Variants in SEMA6D observed in about 807,000 individuals in gnomAD.
SEMA6D encodes the protein semaphorin-6D.
SEMA6D carries 35 observed loss-of-function variants against 106.6 expected under a neutral mutation model. The ratio of observed to expected loss-of-function variants is 0.33; its 90% confidence interval spans 0.25 to 0.44. SEMA6D has a LOEUF of 0.44. Ranked by LOEUF, SEMA6D falls within the 20% of genes least tolerant of loss-of-function variation. SEMA6D has a pLI of 1.00. For missense variants in SEMA6D, 1,185 were observed against 1,345.9 expected (o/e 0.88, Z 1.87); for synonymous variants, 499 against 487.7 (o/e 1.02, Z -0.31).
intron 4 of SEMA6D, among the ~76,000 whole-genome samples, chr15:47,698,960 C>T (rs1211759726): frequency 6.6e-6 from 1 of 152,072 alleles, no homozygotes; most frequent in Admixed American, 6.6e-5. Flanking sequence ...TTGTATGATT[C>T]AATAAACTTA....
chr15:47,581,225 C>T, intron 3 of SEMA6D: 1 of 387,494 alleles, frequency 2.6e-6, no homozygotes, highest in Non-Finnish European at 5.0e-6. Flanking sequence ...GTAACGTGTC[C>T]CTGATGAAGT....
chr15:47,537,159 T>G (rs1284775101), intron 3 of SEMA6D, among the ~76,000 whole-genome samples: 1 of 152,222 alleles, frequency 6.6e-6, no homozygotes, highest in East Asian at 1.9e-4. Context: ...AAGAATTAAT[T>G]TTATAGTCAG....
At chr15:47,628,147 C>T (rs750690590) in intron 4 of SEMA6D, among the ~76,000 whole-genome samples, 2 of 151,848 alleles carry the variant, frequency 1.3e-5, no homozygotes, top group African/African-American at 2.4e-5. Flanking sequence ...CACTGAAAGA[C>T]ATCTGGGTTG....
At position 47,314,849 on chromosome 15, in the gene SEMA6D, CTTTTTTTTTTTTTTT is replaced by C. The variant is rs1173992222; in HGVS notation, c.-238-97524_-238-97510del. Among the ~76,000 whole-genome samples, 8 of 83,916 alleles carry C rather than the reference CTTTTTTTTTTTTTTT, an allele frequency of 9.5e-5. No individual in the cohort carries two copies. In the East Asian group the frequency reaches 1.3e-3, roughly 13 times the overall value. 55.1% of individuals were successfully genotyped at this position (83,916 alleles called of 152,430 possible). ...ATCAAACCCAAATCATCTAGGTTTT[CTTTTTTTTTTTTTTT>C]TTTTTTTTTTTTTTTTTTTGAGACG... On this transcript the variant is annotated intron_variant, in intron 1 of 19. Transcript: ENST00000558014.
chr15:47,201,040 G>A (rs1894693699), intron 1 of SEMA6D, among the ~76,000 whole-genome samples: 1 of 152,198 alleles, frequency 6.6e-6, no homozygotes, highest in South Asian at 2.1e-4. Context: ...TCTTTTTAGA[G>A]CTAAGGGAAA....
chr15:47,649,607 C>G (rs1596531164), intron 4 of SEMA6D, among the ~76,000 whole-genome samples: 2 of 152,108 alleles, frequency 1.3e-5, no homozygotes, highest in East Asian at 3.9e-4. Context: ...ACACCTGTGA[C>G]TAGTCACTGT....
At chr15:47,577,943 A>G (rs944591096) in intron 3 of SEMA6D, among the ~76,000 whole-genome samples, 1 of 152,250 alleles carries the variant, frequency 6.6e-6, no homozygotes, top group South Asian at 2.1e-4. Flanking sequence ...ACATTAAAAT[A>G]TAGTATTCTC....
At chr15:47,755,304 C>T (rs1367043422) in intron 1 of SEMA6D, among the ~76,000 whole-genome samples, 1 of 152,066 alleles carries the variant, frequency 6.6e-6, no homozygotes, top group Non-Finnish European at 1.5e-5. Context: ...TGAAATTCTC[C>T]ATGTTGTCAT....
chr15:47,395,744 A>C (rs1218839440), intron 1 of SEMA6D: 2 of 152,246 alleles, frequency 1.3e-5, no homozygotes, highest in South Asian at 4.1e-4. Context: ...ACACAGAAGA[A>C]AGCAAGGAGC....
rs191833493 is a variant in SEMA6D at position 47,558,684 on chromosome 15, A to G, written c.-86-42181A>G. On this transcript the variant is annotated intron_variant, in intron 3 of 19. Coordinates refer to the SEMA6D transcript ENST00000558014. ...CTATTAACTCTAAATTGTGCACTAG[A>G]TATATCTAGGATTTCAGTAAAATCT... Among the ~76,000 whole-genome samples the G allele has an allele frequency of 4.6e-5, 7 of 152,240 alleles. No homozygotes were observed. In the East Asian group the frequency reaches 5.8e-4, roughly 13 times the overall value.
At chr15:47,389,971 T>C (rs1238407922) in intron 1 of SEMA6D, among the ~76,000 whole-genome samples, 2 of 152,240 alleles carry the variant, frequency 1.3e-5, no homozygotes, top group Non-Finnish European at 2.9e-5. Flanking sequence ...CACTCCCTAC[T>C]TAAAACACTT....
intron 3 of SEMA6D, among the ~76,000 whole-genome samples, chr15:47,575,591 C>T (rs1394716811): frequency 3.9e-5 from 6 of 152,126 alleles, no homozygotes; most frequent in African/African-American, 9.7e-5. Flanking sequence ...TGGTGGCATA[C>T]GCCTGCAGTC....
chr15:47,338,096 G>A (rs967888504), intron 1 of SEMA6D, among the ~76,000 whole-genome samples: 11 of 152,192 alleles, frequency 7.2e-5, no homozygotes, highest in African/African-American at 2.4e-4. Context: ...TGAGGAGAAG[G>A]CACTTGCTAG....
intron 1 of SEMA6D, among the ~76,000 whole-genome samples, chr15:47,385,130 A>G (rs1437244226): frequency 6.7e-6 from 1 of 150,352 alleles, no homozygotes; most frequent in Non-Finnish European, 1.5e-5. Flanking sequence ...ACTCATGCAA[A>G]TATTGCATCC....
chr15:47,760,070 C>T (rs569228863), intron 2 of SEMA6D, 163 bp downstream of exon 2: 46 of 673,734 alleles, frequency 6.8e-5, no homozygotes, highest in South Asian at 9.8e-5. Context: ...TTGGAGAAAA[C>T]GGGGCAGTTT....
chr15:47,252,324 T>C (rs954473775), intron 1 of SEMA6D, among the ~76,000 whole-genome samples: 5 of 152,228 alleles, frequency 3.3e-5, no homozygotes, highest in Admixed American at 1.3e-4. Flanking sequence ...TCAATACATG[T>C]GGACATTGTA....
intron 3 of SEMA6D, among the ~76,000 whole-genome samples, chr15:47,552,858 A>ATT (rs2045776343): frequency 1.3e-5 from 1 of 74,854 alleles, no homozygotes; most frequent in Non-Finnish European, 2.2e-5. Flanking sequence ...ATATAAATAT[A>ATT]TATATATTTT....
At chr15:47,541,582 A>T (rs528493810) in intron 3 of SEMA6D, among the ~76,000 whole-genome samples, 1 of 152,198 alleles carries the variant, frequency 6.6e-6, no homozygotes, top group African/African-American at 2.4e-5. Flanking sequence ...AGAACTGTGA[A>T]TGAATCCTCT....
intron 1 of SEMA6D, among the ~76,000 whole-genome samples, chr15:47,223,135 G>A (rs2031356802): frequency 1.3e-5 from 2 of 150,210 alleles, no homozygotes; most frequent in African/African-American, 2.4e-5. Context: ...ACACCATAGT[G>A]CTGACCATTC....
Sources: allele counts gnomAD v4.1 joint callset (sites outside exome capture counted in the v4.1 genomes callset), GRCh38; gene constraint gnomAD v4.1.1; transcripts MANE v1.5; gene names NCBI Gene and HGNC (gene_info 2026-07-23, HGNC 2026-07-21).